Variants in C9orf78 observed in about 807,000 individuals in gnomAD.
The protein encoded by C9orf78 is splicing factor C9orf78.
In C9orf78, 19 loss-of-function variants were observed where a neutral mutation model predicts 37.4. The observed-to-expected ratio is 0.51, with a 90% CI of 0.35 to 0.74. The LOEUF (loss-of-function observed/expected upper bound fraction) is 0.74. Among genes scored for constraint, C9orf78 ranks in the 30% least tolerant of loss-of-function variants. The pLI is 0.01. For missense variants in C9orf78, 291 were observed against 370.8 expected (o/e 0.78, Z 1.77); for synonymous variants, 130 against 128.0 (o/e 1.02, Z -0.10).
intron 4 of C9orf78, among the ~76,000 whole-genome samples, chr9:129,832,956 T>A (rs763996583): frequency 3.3e-5 from 5 of 151,822 alleles, no homozygotes. Flanking sequence ...CACCCAGATA[T>A]ATACACACAC....
chr9:129,834,848 C>T, intron 1 of C9orf78, 82 bp from the exon 2 acceptor site: 2 of 1,097,318 alleles, frequency 1.8e-6, no homozygotes, highest in South Asian at 2.5e-5. Context: ...AATAAGGCAC[C>T]TTCGAGGGCA....
At chr9:129,831,473 G>A in intron 5 of C9orf78, 1 of 250,282 alleles carries the variant, frequency 4.0e-6, no homozygotes, top group Non-Finnish European at 7.8e-6. Context: ...TGCCCAGGCT[G>A]GAGTGCAATG....
chr9:129,830,796 C>G, intron 6 of C9orf78, 75 bp downstream of exon 6: 1 of 1,030,372 alleles, frequency 9.7e-7, no homozygotes, highest in Non-Finnish European at 1.5e-6. Flanking sequence ...AGGCATGAGC[C>G]ACCGTGCCTG....
At position 129,827,785 on chromosome 9, in the gene C9orf78, T is replaced by A; in HGVS notation, c.*376A>T. 1.2e-5 allele frequency: 1 copy of A among 82,462 alleles called. No homozygotes were observed. Among genetic ancestry groups the A allele is most frequent in the African/African-American group, 4.5e-5 (1 of 22,342 alleles). 5.1% of individuals were successfully genotyped at this position (82,462 alleles called of 1,614,324 possible). A position where few individuals can be genotyped will look rare whatever the true frequency, so the allele number is the denominator to read the frequency against. ...TCCTGGAAGCCATTTTTCTTTTTCT[T>A]TTTTTTTTTTTTTTTTTTTTTTGAG... is the stretch of plus-strand genomic sequence containing the variant. On this transcript the variant is annotated 3_prime_UTR_variant, in exon 9 of 9. Transcript: ENST00000372447.
intron 3 of C9orf78, 27 bp from the exon 4 acceptor site, chr9:129,833,544 G>A (rs2031569535): frequency 6.4e-7 from 1 of 1,552,454 alleles, no homozygotes; most frequent in Non-Finnish European, 8.9e-7. Context: ...CAGTTAAGAG[G>A]AAGCATCTAA....
chr9:129,828,939 A>G, intron 8 of C9orf78: 2 of 540,898 alleles, frequency 3.7e-6, no homozygotes, highest in Non-Finnish European at 6.7e-6. Flanking sequence ...AAATTTTCTA[A>G]CTTCTTGAGT....
rs2031481902 is a variant in C9orf78, at chr9:129,831,046, G to A, written c.367C>T (p.Leu123=). The change falls in exon 6 of 9, where the codon CTA becomes TTA. Residue 123 remains leucine, a synonymous_variant. Transcript: ENST00000372447. The part of the protein sequence containing the change: ...ADMMKYIETE[L]KKRKGIVEHE... ...TCCACGATCCCTTTCCTCTTCTTTA[G>A]CTCTGTCTCAATGTACTTCATCCTG... 6.2e-7 allele frequency: 1 copy of A among 1,613,074 alleles called. No individual in the cohort carries two copies. Among genetic ancestry groups the A allele is most frequent in the Non-Finnish European group, 8.5e-7 (1 of 1,179,276 alleles).
rs1033428890 is a variant in C9orf78, at chr9:129,827,559, C to A, written c.*602G>T. On this transcript the variant is annotated 3_prime_UTR_variant, in exon 9 of 9. Transcript: ENST00000372447. ...TGAACAGCTTCTTCCTGACCCAGAGCAAATATTAAGAGAAAGACAATATAT... is the reference window on the plus strand; with the variant it reads ...TGAACAGCTTCTTCCTGACCCAGAGAAAATATTAAGAGAAAGACAATATAT... 6.6e-6 allele frequency: 1 copy of A among 151,964 alleles called. No individual in the cohort carries two copies. The highest frequency in any genetic ancestry group is 1.5e-5 in the Non-Finnish European group (1 of 68,048). The allele number at this position is 151,964 out of a possible 1,614,324, so 9.4% of individuals were successfully genotyped here.
rs761183374 is a variant in C9orf78, at chr9:129,835,161, C to G, written c.61G>C (p.Glu21Gln). The change falls in exon 1 of 9, where the codon GAG becomes CAG. Residue 21 changes from glutamate (E) to glutamine (Q), a missense_variant. Physicochemically the swap from Glu to Gln is conservative, Grantham distance 29. Transcript: ENST00000372447. ...CACCGAACCTCCTCTGAGTCCTGCT[C>G]ATCTTCCTCTGACTCCGAGTCGCCC... ...RRGDSESEED[E>Q]QDSEEVRLKL... is the part of the protein sequence containing the mutation. 6.2e-7 allele frequency: 1 copy of G among 1,611,776 alleles called. No individual in the cohort carries two copies. The highest frequency in any genetic ancestry group is 2.3e-5 in the East Asian group (1 of 44,426).
Position 129,833,814 on chromosome 9 carries a change from G to T in C9orf78, c.144-105C>A. ...ATGCGGATTGCAACATTAGTGCAAGGGTGGGATTTGAGGGGTGGGTAGGCA... is the reference window on the plus strand; with the variant it reads ...ATGCGGATTGCAACATTAGTGCAAGTGTGGGATTTGAGGGGTGGGTAGGCA... On this transcript the variant is annotated intron_variant, in intron 2 of 8. Coordinates refer to ENST00000372447, the MANE Select transcript of C9orf78 (RefSeq NM_016520.3). 2.6e-6 allele frequency: 2 copies of T among 767,234 alleles called. 1 individual carries two copies. Among genetic ancestry groups the T allele is most frequent in the South Asian group, 3.0e-5 (2 of 66,512 alleles). The allele number at this position is 767,234 out of a possible 1,614,324, so 47.5% of individuals were successfully genotyped here.
chr9:129,827,751 CATGCTCTGTCCTGGA>C lies in C9orf78; in HGVS notation c.*395_*409del, dbSNP rs1170320053. The C allele has an allele frequency of 6.6e-6, 1 of 152,642 alleles. No individual in the cohort carries two copies. The highest frequency in any genetic ancestry group is 1.4e-5 in the Non-Finnish European group (1 of 69,120). 9.5% of individuals were successfully genotyped at this position (152,642 alleles called of 1,614,324 possible). Reference sequence around the variant, plus strand: ...CTGGAACTGTCCGCCAGCAAATGAGCATGCTCTGTCCTGGAAGCCATTTTTCTTTTTCTTTTTTTT... The same window carrying C: ...CTGGAACTGTCCGCCAGCAAATGAGCAGCCATTTTTCTTTTTCTTTTTTTT... On this transcript the variant is annotated 3_prime_UTR_variant, in exon 9 of 9. Coordinates refer to ENST00000372447, the MANE Select transcript of C9orf78 (RefSeq NM_016520.3).
Position 129,833,651 on chromosome 9 carries a change from A to G in C9orf78, c.195+7T>C, listed in dbSNP as rs771974804. The G allele has an allele frequency of 1.4e-5, 23 of 1,604,426 alleles. No homozygotes were observed. The highest frequency in any genetic ancestry group is 1.9e-5 in the Non-Finnish European group (22 of 1,171,416). ...CATAACTACTCAGGGAAGACCCCATAACTTACCACTAGAGTGGTCTCCTCT... is the reference window on the plus strand; with the variant it reads ...CATAACTACTCAGGGAAGACCCCATGACTTACCACTAGAGTGGTCTCCTCT... On this transcript the variant is annotated splice_region_variant and intron_variant, in intron 3 of 8. Transcript: ENST00000372447.
chr9:129,835,087 C>G (rs976666926), intron 1 of C9orf78, 52 bp downstream of exon 1: 5 of 1,392,688 alleles, frequency 3.6e-6, no homozygotes, highest in Middle Eastern at 1.8e-4. Flanking sequence ...TGGTGAGTCC[C>G]CCAAACAAGT....
intron 8 of C9orf78, 166 bp from the exon 9 acceptor site, chr9:129,828,418 T>TC (rs1007174787): frequency 7.7e-5 from 39 of 509,288 alleles, no homozygotes; most frequent in Admixed American, 2.9e-4. Flanking sequence ...TGTCTTTTTT[T>TC]TTTTCTTTTC....
chr9:129,829,184 C>T (rs376310519), intron 8 of C9orf78, 21 bp downstream of exon 8: 21 of 1,566,614 alleles, frequency 1.3e-5, no homozygotes, highest in Middle Eastern at 1.7e-4. Flanking sequence ...CAGGCAGCCC[C>T]GAGGCCTTTG....
At chr9:129,831,366 T>A (rs551697929) in intron 5 of C9orf78, 1 of 427,450 alleles carries the variant, frequency 2.3e-6, no homozygotes, top group South Asian at 3.2e-5. Flanking sequence ...CCATGTTTTA[T>A]CCCTGCAATG....
Position 129,829,455 on chromosome 9 carries a change from G to A in C9orf78, c.629C>T (p.Thr210Ile). Residue 210 changes from threonine (T) to isoleucine (I), a missense_variant, in exon 7 of 9, where the codon ACC becomes ATC. Physicochemically the swap from Thr to Ile is moderately conservative, Grantham distance 89. This residue lies in a region of C9orf78 where 120 missense variants were observed against 148.7 expected (regional missense o/e 0.81). Transcript: ENST00000372447. The part of the protein sequence containing the change: ...EQQNKKKDSE[T>I]SFVPTNMAVN... The stretch of plus-strand genomic sequence containing the variant: ...AGCCATGTTGGTAGGCACGAAGGAG[G>A]TCTCGCTGTCTTTCTTCTTGTTCTG... 6.2e-7 allele frequency: 1 copy of A among 1,614,076 alleles called. No individual in the cohort carries two copies. Among genetic ancestry groups the A allele is most frequent in the Non-Finnish European group, 8.5e-7 (1 of 1,180,008 alleles).
intron 1 of C9orf78, 140 bp from the exon 2 acceptor site, chr9:129,834,906 C>T: frequency 1.3e-6 from 1 of 740,808 alleles, no homozygotes; most frequent in Non-Finnish European, 2.3e-6. Context: ...AGAGGACGAC[C>T]TTGTGCCTAG....
chr9:129,834,649 G>A (rs2031642884), intron 2 of C9orf78, 58 bp downstream of exon 2: 3 of 1,228,790 alleles, frequency 2.4e-6, no homozygotes, highest in Admixed American at 3.5e-5. Flanking sequence ...ACAGCGACCC[G>A]GACGCGGATG....
Sources: allele counts gnomAD v4.1 joint callset (sites outside exome capture counted in the v4.1 genomes callset), GRCh38; gene constraint gnomAD v4.1.1; regional missense constraint gnomAD v4.1.1; transcripts MANE v1.5; gene names NCBI Gene and HGNC (gene_info 2026-07-23, HGNC 2026-07-21).